Variants in CHN2 observed in about 807,000 individuals in gnomAD.
CHN2 encodes beta-chimaerin.
Under a neutral mutation model 56.3 loss-of-function variants are expected in CHN2, and 35 were observed. The observed-to-expected ratio is 0.62, with a 90% CI of 0.47 to 0.82. The LOEUF (loss-of-function observed/expected upper bound fraction) is 0.82. Among genes scored for constraint, CHN2 ranks in the 40% least tolerant of loss-of-function variants. The pLI, the probability that CHN2 is intolerant of heterozygous loss-of-function variation, is 0.00. For missense variants in CHN2, 491 were observed against 580.5 expected (o/e 0.85, Z 1.58); for synonymous variants, 210 against 212.8 (o/e 0.99, Z 0.12).
At chr7:29,418,184 G>C (rs1277690720) in intron 6 of CHN2, among the ~76,000 whole-genome samples, 1 of 152,242 alleles carries the variant, frequency 6.6e-6, no homozygotes, top group Non-Finnish European at 1.5e-5. Flanking sequence ...AAGTTCTCAC[G>C]TTCGTATGTT....
At chr7:29,432,515 A>G (rs1004435309) in intron 6 of CHN2, among the ~76,000 whole-genome samples, 1 of 152,200 alleles carries the variant, frequency 6.6e-6, no homozygotes, top group Non-Finnish European at 1.5e-5. Flanking sequence ...AGGTTGGCCA[A>G]TTAAAGGATC....
chr7:29,287,249 A>G (rs1043802686), intron 1 of CHN2, among the ~76,000 whole-genome samples: 2 of 152,186 alleles, frequency 1.3e-5, no homozygotes, highest in Non-Finnish European at 2.9e-5. Context: ...TTTGAGGCTC[A>G]AGCCATCTGA....
At chr7:29,327,887 T>C (rs1795933436) in intron 1 of CHN2, among the ~76,000 whole-genome samples, 1 of 152,244 alleles carries the variant, frequency 6.6e-6, no homozygotes, top group Non-Finnish European at 1.5e-5. Context: ...ATGTTGTTTC[T>C]TTGTGCTTCT....
intron 1 of CHN2, among the ~76,000 whole-genome samples, chr7:29,231,541 C>T (rs1459194014): frequency 6.6e-6 from 1 of 152,170 alleles, no homozygotes; most frequent in Non-Finnish European, 1.5e-5. Context: ...AAAGAGATAT[C>T]TCCTTAATGG....
At chr7:29,331,488 C>T (rs1004444791) in intron 1 of CHN2, among the ~76,000 whole-genome samples, 1 of 152,098 alleles carries the variant, frequency 6.6e-6, no homozygotes, top group Non-Finnish European at 1.5e-5. Context: ...GAGAGCAGTA[C>T]CTCCGGCATT....
intron 1 of CHN2, among the ~76,000 whole-genome samples, chr7:29,272,267 C>T (rs1270413732): frequency 6.6e-6 from 1 of 152,182 alleles, no homozygotes; most frequent in African/African-American, 2.4e-5. Flanking sequence ...TGCAGTCAGC[C>T]TACAGAAGTG....
chr7:29,491,219 G>A (rs1369185019), intron 7 of CHN2, among the ~76,000 whole-genome samples: 1 of 151,962 alleles, frequency 6.6e-6, no homozygotes, highest in Non-Finnish European at 1.5e-5. Context: ...TGTTTTAGTT[G>A]TGTTTCTTGA....
chr7:29,319,049 C>T (rs568985729), intron 1 of CHN2, among the ~76,000 whole-genome samples: 1 of 152,278 alleles, frequency 6.6e-6, no homozygotes, highest in African/African-American at 2.4e-5. Context: ...TCCCCTCAGA[C>T]ACAGGGCAGA....
At chr7:29,150,549 G>T (rs80052745) in intron 2 of CHN2, among the ~76,000 whole-genome samples, 316 of 152,308 alleles carry the variant, frequency 2.1e-3, no homozygotes, top group African/African-American at 7.0e-3. Flanking sequence ...AAGACACAGA[G>T]AATAGATCAT....
intron 1 of CHN2, among the ~76,000 whole-genome samples, chr7:29,317,906 C>G (rs1379938354): frequency 6.6e-6 from 1 of 152,144 alleles, no homozygotes; most frequent in Non-Finnish European, 1.5e-5. Context: ...ATGGCTTGAG[C>G]CCAGGCGGCA....
At chr7:29,352,355 G>C (rs988696694) in intron 1 of CHN2, among the ~76,000 whole-genome samples, 1 of 149,728 alleles carries the variant, frequency 6.7e-6, no homozygotes, top group African/African-American at 2.5e-5. Flanking sequence ...TCTGTCGTGT[G>C]TGTGTGTGTG....
chr7:29,512,103 C>T (rs927314132), intron 12 of CHN2, among the ~76,000 whole-genome samples: 2 of 152,012 alleles, frequency 1.3e-5, no homozygotes, highest in Non-Finnish European at 2.9e-5. Flanking sequence ...CCTCTGGCAC[C>T]GGTCCTCCCA....
intron 6 of CHN2, among the ~76,000 whole-genome samples, chr7:29,404,223 A>G (rs1338698613): frequency 1.3e-5 from 2 of 152,200 alleles, no homozygotes; most frequent in African/African-American, 4.8e-5. Context: ...TCTGTTTCTG[A>G]AAACAGATCA....
intron 1 of CHN2, among the ~76,000 whole-genome samples, chr7:29,304,471 C>G (rs1340612865): frequency 2.6e-5 from 4 of 152,168 alleles, no homozygotes; most frequent in African/African-American, 9.7e-5. Flanking sequence ...TCAAGTGAAC[C>G]ATAACTGTCC....
chr7:29,343,795 A>G (rs1585111734), intron 1 of CHN2, among the ~76,000 whole-genome samples: 1 of 149,654 alleles, frequency 6.7e-6, no homozygotes, highest in Non-Finnish European at 1.5e-5. Context: ...CATGTCATCT[A>G]CTTTAGTGGC....
chr7:29,456,414 A>G (rs1466846925), intron 6 of CHN2, among the ~76,000 whole-genome samples: 1 of 147,362 alleles, frequency 6.8e-6, no homozygotes, highest in Non-Finnish European at 1.5e-5. Context: ...CATGGTGAAG[A>G]AAGAGAGAGG....
At chr7:29,415,178 C>T (rs112709196) in intron 6 of CHN2, among the ~76,000 whole-genome samples, 15 of 152,342 alleles carry the variant, frequency 9.8e-5, no homozygotes, top group African/African-American at 3.6e-4. Flanking sequence ...AAGGCAGCTC[C>T]TGGGTCTTTG....
At chr7:29,401,390 T>C (rs1327829518) in intron 6 of CHN2, 2 of 152,338 alleles carry the variant, frequency 1.3e-5, no homozygotes, top group African/African-American at 4.8e-5. Context: ...TTTGTGGGTT[T>C]ATTTGGAGTT....
At chr7:29,416,496 G>A (rs1032439687) in intron 6 of CHN2, among the ~76,000 whole-genome samples, 3 of 152,220 alleles carry the variant, frequency 2.0e-5, no homozygotes, top group Admixed American at 6.5e-5. Context: ...CTCAAGTCCA[G>A]TAGTTCTCAA....
Sources: gnomAD v4.1 joint callset for allele counts (sites outside exome capture counted in the v4.1 genomes callset) on GRCh38, gnomAD v4.1.1 for gene constraint, MANE v1.5 for transcripts, NCBI Gene and HGNC (gene_info 2026-07-23, HGNC 2026-07-21) for gene names.